The following SSBP2 variants were observed in gnomAD, a reference collection of about 807,000 sequenced individuals.
SSBP2 encodes the protein single-stranded DNA-binding protein 2.
Under a neutral mutation model 61.8 loss-of-function variants are expected in SSBP2, and 17 were observed. The ratio of observed to expected loss-of-function variants is 0.28; its 90% CI spans 0.19 to 0.41. The LOEUF is 0.41. Among genes scored for constraint, SSBP2 ranks in the 10% least tolerant of loss-of-function variants. SSBP2 has a pLI of 1.00. For missense variants in SSBP2, 310 were observed against 458.7 expected (o/e 0.68, Z 2.96); for synonymous variants, 139 against 141.3 (o/e 0.98, Z 0.12).
chr5:81,498,112 C>A (rs1767428209), intron 5 of SSBP2, among the ~76,000 whole-genome samples: 1 of 152,012 alleles, frequency 6.6e-6, no homozygotes, highest in African/African-American at 2.4e-5. Flanking sequence ...GAAATATTTT[C>A]TTTCCATTAA....
intron 4 of SSBP2, among the ~76,000 whole-genome samples, chr5:81,605,202 A>G (rs1744755752): frequency 6.6e-6 from 1 of 152,136 alleles, no homozygotes; most frequent in Non-Finnish European, 1.5e-5. Context: ...TATTCTTGAC[A>G]GCACCACTAT....
chr5:81,555,127 T>G (rs573414056), intron 4 of SSBP2, among the ~76,000 whole-genome samples: 275 of 152,230 alleles, frequency 1.8e-3, no homozygotes, highest in Non-Finnish European at 3.4e-3. Context: ...AAGAAATAAT[T>G]GTGATTTCTT....
At chr5:81,743,099 T>C (rs1757136817) in intron 1 of SSBP2, among the ~76,000 whole-genome samples, 1 of 152,150 alleles carries the variant, frequency 6.6e-6, no homozygotes, top group South Asian at 2.1e-4. Flanking sequence ...AACAAGTTTA[T>C]CCTTAGGGTT....
At chr5:81,538,893 G>C (rs1172284591) in intron 4 of SSBP2, among the ~76,000 whole-genome samples, 1 of 152,192 alleles carries the variant, frequency 6.6e-6, no homozygotes, top group African/African-American at 2.4e-5. Flanking sequence ...GAGCTCTGAT[G>C]AAGATATACA....
intron 8 of SSBP2, among the ~76,000 whole-genome samples, chr5:81,472,290 C>G (rs1765298801): frequency 2.6e-5 from 4 of 152,118 alleles, no homozygotes; most frequent in Admixed American, 1.3e-4. Flanking sequence ...GATGTTTTAG[C>G]TAAAATGCAT....
At chr5:81,421,974 G>A (rs1016241269) in intron 16 of SSBP2, among the ~76,000 whole-genome samples, 2 of 152,098 alleles carry the variant, frequency 1.3e-5, no homozygotes, top group African/African-American at 2.4e-5. Flanking sequence ...AATCCCACAT[G>A]GTAATTTACT....
At chr5:81,603,451 T>A (rs2153565146) in intron 4 of SSBP2, among the ~76,000 whole-genome samples, 1 of 152,260 alleles carries the variant, frequency 6.6e-6, no homozygotes, top group Admixed American at 6.5e-5. Context: ...TTACATACCA[T>A]CACTTCCACT....
At chr5:81,702,879 T>C (rs1177534607) in intron 1 of SSBP2, among the ~76,000 whole-genome samples, 5 of 152,220 alleles carry the variant, frequency 3.3e-5, no homozygotes, top group Non-Finnish European at 5.9e-5. Flanking sequence ...TATATTGAAC[T>C]ACAGCACAGT....
intron 9 of SSBP2, among the ~76,000 whole-genome samples, chr5:81,463,758 CTTT>C (rs938398439): frequency 2.6e-3 from 250 of 96,302 alleles, no homozygotes; most frequent in African/African-American, 9.9e-3. Flanking sequence ...GAAAAATCCT[CTTT>C]TTTTTTTTTT....
intron 2 of SSBP2, among the ~76,000 whole-genome samples, chr5:81,639,560 T>C (rs112093818): frequency 8.7e-5 from 13 of 150,228 alleles, no homozygotes; most frequent in African/African-American, 2.9e-4. Context: ...AGAAGGGGGA[T>C]AGAAAGAGCA....
intron 11 of SSBP2, 129 bp from the exon 12 acceptor site, chr5:81,447,051 T>C: frequency 4.8e-6 from 3 of 627,208 alleles, no homozygotes; most frequent in Non-Finnish European, 7.7e-6. Flanking sequence ...TTTATTTTCT[T>C]TGACTGCACA....
intron 4 of SSBP2, among the ~76,000 whole-genome samples, chr5:81,569,033 G>C (rs1773651589): frequency 1.3e-5 from 2 of 152,140 alleles, no homozygotes; most frequent in South Asian, 4.1e-4. Flanking sequence ...GAGCAGAGAG[G>C]ACTGGGTGAA....
chr5:81,458,822 T>C (rs1230783327), intron 10 of SSBP2, among the ~76,000 whole-genome samples: 2 of 152,180 alleles, frequency 1.3e-5, no homozygotes, highest in African/African-American at 4.8e-5. Context: ...AGGTCTTTGC[T>C]AGAAAGTCGT....
intron 6 of SSBP2, among the ~76,000 whole-genome samples, chr5:81,483,766 C>T (rs74974609): frequency 0.019 from 2,775 of 146,696 alleles, 52 homozygotes; most frequent in African/African-American, 0.053. Flanking sequence ...TATATATATA[C>T]ACACACACAC....
rs1013599893 is a variant in SSBP2, at chr5:81,428,464, T to C, written c.1056+121A>G. 1.7e-5 allele frequency: 11 copies of C among 652,604 alleles called. No individual in the cohort carries two copies. The Admixed American group carries it at 1.9e-4, about 12-fold the overall frequency. The allele number at this position is 652,604 out of a possible 1,614,324, so 40.4% of individuals were successfully genotyped here. ...GATATTCCACTTAAAGTTTCTCTTA[T>C]CTAAAAGATAAACCTGTTGAACTCT... On this transcript the variant is annotated intron_variant, in intron 16 of 16. Coordinates refer to ENST00000320672, the MANE Select transcript of SSBP2 (RefSeq NM_012446.5).
chr5:81,522,665 T>A (rs929842857), intron 4 of SSBP2, among the ~76,000 whole-genome samples: 5 of 152,126 alleles, frequency 3.3e-5, no homozygotes, highest in African/African-American at 1.2e-4. Context: ...TTTGGAAAGT[T>A]AGGTACTAGA....
chr5:81,661,681 C>A (rs1364232046), intron 1 of SSBP2, among the ~76,000 whole-genome samples: 1 of 152,102 alleles, frequency 6.6e-6, no homozygotes, highest in Non-Finnish European at 1.5e-5. Flanking sequence ...CCTTTCCCCA[C>A]TTTGTAATTG....
At chr5:81,581,308 T>G (rs998743888) in intron 4 of SSBP2, among the ~76,000 whole-genome samples, 4 of 152,178 alleles carry the variant, frequency 2.6e-5, no homozygotes, top group Non-Finnish European at 4.4e-5. Context: ...ACAGGATGGA[T>G]AGAAGGCTTG....
intron 1 of SSBP2, among the ~76,000 whole-genome samples, chr5:81,738,281 A>G (rs1289558274): frequency 6.6e-6 from 1 of 152,130 alleles, no homozygotes; most frequent in Non-Finnish European, 1.5e-5. Context: ...CATTTAGGAT[A>G]TGTGCACTTT....
Sources: gnomAD v4.1 joint callset for allele counts (sites outside exome capture counted in the v4.1 genomes callset) on GRCh38, gnomAD v4.1.1 for gene constraint, MANE v1.5 for transcripts, NCBI Gene and HGNC (gene_info 2026-07-23, HGNC 2026-07-21) for gene names.